The following PLEKHH2 variants were observed in gnomAD, a reference collection of about 807,000 sequenced individuals.
The protein encoded by PLEKHH2 is pleckstrin homology, MyTH4 and FERM domain containing H2, also known as pleckstrin homology domain-containing family H member 2.
Under a neutral mutation model 187.9 loss-of-function variants are expected in PLEKHH2, and 129 were observed. The observed-to-expected ratio is 0.69, with a 90% confidence interval of 0.59 to 0.79. The LOEUF (loss-of-function observed/expected upper bound fraction) is 0.79, where lower values mean the gene tolerates loss of function less well. PLEKHH2 is among the 30% of genes least tolerant of loss of function. The pLI is 0.00. For missense variants in PLEKHH2, 2,076 were observed against 1,751.2 expected (o/e 1.19, Z -3.31); for synonymous variants, 686 against 605.6 (o/e 1.13, Z -1.95).
intron 2 of PLEKHH2, chr2:43,676,199 G>T (rs749377958): frequency 3.1e-6 from 5 of 1,614,028 alleles, no homozygotes; most frequent in African/African-American, 1.3e-5. Context: ...AGGTGATGGT[G>T]CTCGTGGTCT....
At position 43,700,425 on chromosome 2, in the gene PLEKHH2, T is replaced by A. The variant is rs377622864; in HGVS notation, c.1467T>A (p.Leu489=). Reference sequence around the variant, plus strand: ...CACTGAGACCTCAGGAAACTGATCTTGATCTAGTTGATGGAGACAGTACAG... The same window carrying A: ...CACTGAGACCTCAGGAAACTGATCTAGATCTAGTTGATGGAGACAGTACAG... The part of the protein sequence containing the change: ...IRPLRPQETD[L]DLVDGDSTEV... Residue 489 remains leucine, a synonymous_variant, in exon 8 of 30, where the codon CTT becomes CTA. Transcript: ENST00000282406. 2.9e-5 allele frequency: 46 copies of A among 1,613,954 alleles called. No homozygotes were observed. Among genetic ancestry groups the A allele is most frequent in the Non-Finnish European group, 3.9e-5 (46 of 1,179,960 alleles).
intron 7 of PLEKHH2, among the ~76,000 whole-genome samples, chr2:43,698,106 TC>T (rs1669177332): frequency 1.3e-5 from 2 of 152,124 alleles, no homozygotes; most frequent in Admixed American, 6.5e-5. Flanking sequence ...CCAACTTCCT[TC>T]CCCCAGAAGA....
intron 28 of PLEKHH2, among the ~76,000 whole-genome samples, chr2:43,763,790 G>A (rs1672521996): frequency 6.6e-6 from 1 of 151,896 alleles, no homozygotes; most frequent in Non-Finnish European, 1.5e-5. Flanking sequence ...TTCTGTTTAT[G>A]GATTTCAAAA....
At chr2:43,712,840 A>C (rs866188832) in intron 15 of PLEKHH2, among the ~76,000 whole-genome samples, 13 of 152,180 alleles carry the variant, frequency 8.5e-5, no homozygotes, top group Non-Finnish European at 5.9e-5. Flanking sequence ...TTTTACTGTC[A>C]CTCAATTTTT....
intron 7 of PLEKHH2, among the ~76,000 whole-genome samples, chr2:43,698,108 C>A (rs901709235): frequency 6.6e-6 from 1 of 152,164 alleles, no homozygotes; most frequent in Admixed American, 6.5e-5. Flanking sequence ...AACTTCCTTC[C>A]CCCAGAAGAG....
At chr2:43,651,233 C>T (rs979556797) in intron 2 of PLEKHH2, among the ~76,000 whole-genome samples, 1 of 151,466 alleles carries the variant, frequency 6.6e-6, no homozygotes, top group Non-Finnish European at 1.5e-5. Context: ...CCTGCCTCAA[C>T]CATTGTTGTA....
At chr2:43,748,819 C>T (rs868068656) in intron 24 of PLEKHH2, among the ~76,000 whole-genome samples, 26 of 151,930 alleles carry the variant, frequency 1.7e-4, no homozygotes, top group Admixed American at 2.6e-4. Context: ...TGCAATGGCA[C>T]GATCTCAGCT....
intron 24 of PLEKHH2, among the ~76,000 whole-genome samples, chr2:43,752,142 A>G (rs1377113866): frequency 6.6e-6 from 1 of 152,166 alleles, no homozygotes; most frequent in African/African-American, 2.4e-5. Context: ...CCTAACTTCA[A>G]GTAGGGAGAA....
intron 16 of PLEKHH2, among the ~76,000 whole-genome samples, chr2:43,721,880 C>T (rs1410057323): frequency 6.6e-6 from 1 of 151,972 alleles, no homozygotes; most frequent in African/African-American, 2.4e-5. Flanking sequence ...GGATGAGACC[C>T]TGTCTCAAAA....
At chr2:43,677,187 G>T (rs1237480592) in intron 2 of PLEKHH2, among the ~76,000 whole-genome samples, 1 of 151,194 alleles carries the variant, frequency 6.6e-6, no homozygotes, top group Non-Finnish European at 1.5e-5. Context: ...TATCCAAACT[G>T]ATGATGACTT....
intron 6 of PLEKHH2, among the ~76,000 whole-genome samples, 185 bp downstream of exon 6, chr2:43,695,409 G>C (rs1254182517): frequency 6.6e-6 from 1 of 152,008 alleles, no homozygotes; most frequent in Non-Finnish European, 1.5e-5. Flanking sequence ...GAAAGTGGAA[G>C]GCAAAAAAGA....
At chr2:43,726,632 C>G (rs1266888555) in intron 17 of PLEKHH2, among the ~76,000 whole-genome samples, 181 bp downstream of exon 17, 5 of 152,108 alleles carry the variant, frequency 3.3e-5, no homozygotes, top group Non-Finnish European at 7.4e-5. Context: ...ATGTCATTTT[C>G]TAATCCTGTT....
chr2:43,641,232 A>T (rs1330902361), intron 1 of PLEKHH2, among the ~76,000 whole-genome samples: 1 of 152,066 alleles, frequency 6.6e-6, no homozygotes, highest in Non-Finnish European at 1.5e-5. Context: ...CACTTTCTTG[A>T]TAGTGTCCTT....
At chr2:43,641,867 C>T (rs1043293099) in intron 1 of PLEKHH2, among the ~76,000 whole-genome samples, 10 of 152,184 alleles carry the variant, frequency 6.6e-5, no homozygotes, top group African/African-American at 2.4e-4. Context: ...AAGTACCACA[C>T]TGTGTAATCA....
intron 2 of PLEKHH2, among the ~76,000 whole-genome samples, chr2:43,650,789 T>A (rs12712894): frequency 2.6e-5 from 4 of 151,098 alleles, no homozygotes; most frequent in Admixed American, 2.0e-4. Flanking sequence ...GGGACTACAG[T>A]CATGCATCAC....
rs148182535 is a variant in PLEKHH2 at position 43,689,500 on chromosome 2, T to G, written c.187-3014T>G. On this transcript the variant is annotated intron_variant, in intron 3 of 29. Coordinates refer to ENST00000282406, the MANE Select transcript of PLEKHH2 (RefSeq NM_172069.4). ...AATGAATGGAAAAACAAGTGAGCTA[T>G]TTTCCATATGGTTGTGGTGAGATGT... Among the ~76,000 whole-genome samples the G allele has an allele frequency of 5.4e-3, 827 of 152,304 alleles. 5 individuals carry two copies. The highest frequency in any genetic ancestry group is 0.029 in the South Asian group (141 of 4,824).
rs903694013 is a variant in PLEKHH2 at position 43,700,531 on chromosome 2, C to G, written c.1573C>G (p.Gln525Glu). 1 of 1,613,828 alleles carries G rather than the reference C, an allele frequency of 6.2e-7. No homozygotes were observed. The highest frequency in any genetic ancestry group is 1.3e-5 in the African/African-American group (1 of 75,012). ...DSLDSPNSDD[Q>E]EHCDSAKKVA... The stretch of plus-strand genomic sequence containing the variant: ...CTTGGACTCTCCAAATTCAGATGAC[C>G]AGGAACACTGTGACTCAGCAAAGAA... Residue 525 changes from glutamine (Q) to glutamate (E), a missense_variant, in exon 8 of 30, where the codon CAG becomes GAG. By Grantham distance (29) the Gln-to-Glu change is conservative. Transcript: ENST00000282406.
chr2:43,746,450 G>T (rs1343306458), intron 24 of PLEKHH2, among the ~76,000 whole-genome samples: 1 of 152,116 alleles, frequency 6.6e-6, no homozygotes, highest in Non-Finnish European at 1.5e-5. Flanking sequence ...GGTTGAGACT[G>T]CAGTGAGCCG....
At chr2:43,731,095 C>T (rs1049197975) in intron 18 of PLEKHH2, among the ~76,000 whole-genome samples, 7 of 152,044 alleles carry the variant, frequency 4.6e-5, no homozygotes, top group African/African-American at 1.7e-4. Flanking sequence ...GATGCAAAGG[C>T]ATAAGAATGA....
Sources: allele counts gnomAD v4.1 joint callset (sites outside exome capture counted in the v4.1 genomes callset), GRCh38; gene constraint gnomAD v4.1.1; transcripts MANE v1.5; gene names NCBI Gene and HGNC (gene_info 2026-07-23, HGNC 2026-07-21).